The following CYP19A1 variants were observed in gnomAD, a reference collection of about 807,000 sequenced individuals.
CYP19A1 encodes the protein cytochrome P450 family 19 subfamily A member 1, also known as aromatase.
Under a neutral mutation model 44.4 loss-of-function variants are expected in CYP19A1, and 32 were observed. That is an observed-to-expected ratio of 0.72 (90% CI 0.54 to 0.97). CYP19A1 has a LOEUF of 0.97. CYP19A1 is among the 50% of genes least tolerant of loss of function. The pLI is 0.00. For missense variants in CYP19A1, 598 were observed against 637.8 expected, an observed-to-expected ratio of 0.94 and a Z score of 0.67; for synonymous variants, 212 against 215.6, an observed-to-expected ratio of 0.98 and a Z score of 0.14.
intron 8 of CYP19A1, 115 bp from the exon 9 acceptor site, chr15:51,212,676 G>A: frequency 1.3e-6 from 1 of 745,086 alleles, no homozygotes; most frequent in Admixed American, 2.0e-5. Flanking sequence ...AAAAAATTGT[G>A]GCTCTAATTC....
intron 1 of CYP19A1, among the ~76,000 whole-genome samples, chr15:51,245,744 G>T (rs2034024119): frequency 6.6e-6 from 1 of 152,194 alleles, no homozygotes; most frequent in African/African-American, 2.4e-5. Flanking sequence ...GTCAGATATT[G>T]GTCTAAGCAC....
rs184424425 is a variant in CYP19A1 at position 51,312,356 on chromosome 15, A to G, written c.-39+26139T>C. 20 of 152,338 alleles carry G rather than the reference A, an allele frequency of 1.3e-4. No homozygotes were observed. The East Asian group carries it at 2.7e-3, about 21-fold the overall frequency. The allele number at this position is 152,338 out of a possible 1,614,324, so 9.4% of individuals were successfully genotyped here. ...CTCACCCATATATGTAAACACATTA[A>G]CAAGCACCGTTTGCATAGCATTTTA... On this transcript the variant is annotated intron_variant, in intron 1 of 9. Coordinates refer to ENST00000396402, the MANE Select transcript of CYP19A1 (RefSeq NM_000103.4).
At chr15:51,236,736 A>T (rs1388106549) in intron 3 of CYP19A1, 123 bp downstream of exon 3, 2 of 1,253,488 alleles carry the variant, frequency 1.6e-6, no homozygotes, top group Non-Finnish European at 2.3e-6. Context: ...TGCTCACTTC[A>T]TTTCAGTGGT....
intron 1 of CYP19A1, among the ~76,000 whole-genome samples, chr15:51,270,057 T>C (rs2035067703): frequency 6.6e-6 from 1 of 152,218 alleles, no homozygotes. Flanking sequence ...TACAGCCAAT[T>C]ATCCACGAAC....
chr15:51,244,054 T>C (rs2033938023), intron 1 of CYP19A1, among the ~76,000 whole-genome samples: 1 of 152,252 alleles, frequency 6.6e-6, no homozygotes, highest in Non-Finnish European at 1.5e-5. Flanking sequence ...TTGCAATGGC[T>C]CTCAATCAGA....
intron 1 of CYP19A1, among the ~76,000 whole-genome samples, chr15:51,326,759 C>T (rs1270410447): frequency 6.6e-6 from 1 of 152,156 alleles, no homozygotes; most frequent in African/African-American, 2.4e-5. Flanking sequence ...TACCATCTAA[C>T]AAAATGAGAC....
chr15:51,311,545 T>C (rs1215017434), intron 1 of CYP19A1, among the ~76,000 whole-genome samples: 3 of 152,216 alleles, frequency 2.0e-5, no homozygotes, highest in Admixed American at 1.3e-4. Flanking sequence ...GAGATTGTTA[T>C]AGAACAAAAT....
chr15:51,333,057 C>T (rs969894245), intron 1 of CYP19A1, among the ~76,000 whole-genome samples: 3 of 152,174 alleles, frequency 2.0e-5, no homozygotes, highest in African/African-American at 7.2e-5. Context: ...AATTTGTCTG[C>T]AGATCTTGTC....
chr15:51,264,596 G>A (rs1010936129), intron 1 of CYP19A1, among the ~76,000 whole-genome samples: 4 of 152,118 alleles, frequency 2.6e-5, no homozygotes, highest in Admixed American at 2.6e-4. Flanking sequence ...AAAACGCAGG[G>A]CAGAAGGAAA....
chr15:51,335,937 T>C (rs1299027044), intron 1 of CYP19A1, among the ~76,000 whole-genome samples: 2 of 152,216 alleles, frequency 1.3e-5, no homozygotes, highest in Non-Finnish European at 2.9e-5. Context: ...TTCTTACGGT[T>C]CCTCAAATAA....
At chr15:51,213,965 C>T (rs546623642) in intron 8 of CYP19A1, among the ~76,000 whole-genome samples, 2 of 152,174 alleles carry the variant, frequency 1.3e-5, no homozygotes, top group Non-Finnish European at 2.9e-5. Flanking sequence ...TATTCTGTAT[C>T]CTTGCTATCT....
At chr15:51,211,142 A>G in intron 9 of CYP19A1, 86 bp from the exon 10 acceptor site, 1 of 889,820 alleles carries the variant, frequency 1.1e-6, no homozygotes, top group Non-Finnish European at 1.9e-6. Context: ...AACATGGGTC[A>G]GTCAGAACAC....
intron 1 of CYP19A1, among the ~76,000 whole-genome samples, chr15:51,244,160 T>A (rs374281555): frequency 1.3e-5 from 2 of 152,228 alleles, no homozygotes; most frequent in South Asian, 2.1e-4. Flanking sequence ...AAACACTGCA[T>A]AAAATATTGT....
intron 5 of CYP19A1, 193 bp downstream of exon 5, chr15:51,222,156 C>A: frequency 9.7e-7 from 1 of 1,029,452 alleles, no homozygotes; most frequent in Non-Finnish European, 1.4e-6. Context: ...ATGCTGGCCC[C>A]TACTTTATGG....
chr15:51,217,044 TA>T (rs2031642721), intron 6 of CYP19A1, among the ~76,000 whole-genome samples: 1 of 152,166 alleles, frequency 6.6e-6, no homozygotes, highest in African/African-American at 2.4e-5. Context: ...CCTATACACT[TA>T]AATACCCTAC....
At chr15:51,258,447 G>T (rs1399855554) in intron 1 of CYP19A1, among the ~76,000 whole-genome samples, 2 of 152,206 alleles carry the variant, frequency 1.3e-5, no homozygotes, top group African/African-American at 4.8e-5. Flanking sequence ...AAGCCCAAGT[G>T]CTTGTTTAAT....
At chr15:51,248,672 C>G (rs1377699282) in intron 1 of CYP19A1, among the ~76,000 whole-genome samples, 1 of 152,220 alleles carries the variant, frequency 6.6e-6, no homozygotes, top group African/African-American at 2.4e-5. Flanking sequence ...TCTTTCAGAA[C>G]TGTATTCCGC....
chr15:51,319,607 G>A (rs1164538759), intron 1 of CYP19A1, among the ~76,000 whole-genome samples: 1 of 152,188 alleles, frequency 6.6e-6, no homozygotes, highest in East Asian at 1.9e-4. Flanking sequence ...CATGATTACT[G>A]AAGGCTTGTT....
chr15:51,301,307 A>G (rs2036106608), intron 1 of CYP19A1, among the ~76,000 whole-genome samples: 1 of 152,210 alleles, frequency 6.6e-6, no homozygotes, highest in Non-Finnish European at 1.5e-5. Context: ...CTTGCCCCTC[A>G]AAGGCAGACA....
Sources: allele counts gnomAD v4.1 joint callset (sites outside exome capture counted in the v4.1 genomes callset), GRCh38; gene constraint gnomAD v4.1.1; transcripts MANE v1.5; gene names NCBI Gene and HGNC (gene_info 2026-07-23, HGNC 2026-07-21).